CDKAL1: variants seen among roughly 807,000 people sequenced by gnomAD.
CDKAL1 encodes threonylcarbamoyladenosine tRNA methylthiotransferase.
In CDKAL1, 32 loss-of-function variants were observed where a neutral mutation model predicts 68.2. The ratio of observed to expected loss-of-function variants is 0.47; its 90% CI spans 0.35 to 0.63. The LOEUF is 0.63. Ranked by LOEUF, CDKAL1 falls within the 30% of genes least tolerant of loss-of-function variation. CDKAL1 has a pLI of 0.00. For missense variants in CDKAL1, 606 were observed against 696.7 expected (o/e 0.87, Z 1.47); for synonymous variants, 234 against 244.3 (o/e 0.96, Z 0.39).
chr6:21,060,520 A>G (rs888428061), intron 11 of CDKAL1, among the ~76,000 whole-genome samples: 5 of 151,190 alleles, frequency 3.3e-5, no homozygotes, highest in African/African-American at 4.9e-5. Context: ...TCTATTTTCT[A>G]TTTCATTGAT....
At chr6:20,636,366 A>G (rs1282312954) in intron 4 of CDKAL1, among the ~76,000 whole-genome samples, 1 of 151,928 alleles carries the variant, frequency 6.6e-6, no homozygotes, top group Non-Finnish European at 1.5e-5. Flanking sequence ...GTTAATTTGT[A>G]TCTGTTTTAA....
intron 8 of CDKAL1, among the ~76,000 whole-genome samples, chr6:20,828,250 A>G (rs1413495252): frequency 1.3e-5 from 2 of 152,118 alleles, no homozygotes; most frequent in Non-Finnish European, 2.9e-5. Flanking sequence ...TTATTTTGAG[A>G]CAGAGTCTTG....
intron 5 of CDKAL1, among the ~76,000 whole-genome samples, chr6:20,653,064 T>C (rs1314482263): frequency 6.6e-6 from 1 of 152,270 alleles, no homozygotes; most frequent in Non-Finnish European, 1.5e-5. Flanking sequence ...TTGAGATTTA[T>C]TCATGTTAAT....
intron 4 of CDKAL1, among the ~76,000 whole-genome samples, chr6:20,583,793 C>CCA (rs1554156913): frequency 2.7e-5 from 4 of 150,526 alleles, no homozygotes; most frequent in Non-Finnish European, 5.9e-5. Context: ...CGCCCCCCCC[C>CCA]ACTAGTTTCA....
intron 10 of CDKAL1, among the ~76,000 whole-genome samples, chr6:20,975,789 T>C (rs1384353503): frequency 6.6e-6 from 1 of 152,190 alleles, no homozygotes; most frequent in East Asian, 1.9e-4. Context: ...ACCCAAAATA[T>C]CTAAGAGAAT....
chr6:21,055,999 G>A (rs916448727), intron 11 of CDKAL1, among the ~76,000 whole-genome samples: 2 of 152,154 alleles, frequency 1.3e-5, no homozygotes, highest in Admixed American at 6.5e-5. Context: ...CAGTGTAAAA[G>A]CATTCGTATT....
chr6:21,157,209 C>T (rs186975186), intron 13 of CDKAL1, among the ~76,000 whole-genome samples: 7 of 152,290 alleles, frequency 4.6e-5, no homozygotes, highest in Admixed American at 2.0e-4. Flanking sequence ...ATAATAATCA[C>T]CTTGCAAGGT....
At chr6:20,908,536 C>T (rs1253207718) in intron 9 of CDKAL1, among the ~76,000 whole-genome samples, 1 of 152,020 alleles carries the variant, frequency 6.6e-6, no homozygotes, top group Non-Finnish European at 1.5e-5. Flanking sequence ...GTGTCATAAA[C>T]CAACTATGTG....
At chr6:20,569,022 G>A (rs980600836) in intron 4 of CDKAL1, among the ~76,000 whole-genome samples, 52 of 152,250 alleles carry the variant, frequency 3.4e-4, no homozygotes, top group African/African-American at 1.2e-3. Flanking sequence ...CTTATAATAA[G>A]CCTCAGTGTT....
intron 11 of CDKAL1, among the ~76,000 whole-genome samples, chr6:21,056,793 G>T (rs1770861733): frequency 6.6e-6 from 1 of 152,138 alleles, no homozygotes; most frequent in Non-Finnish European, 1.5e-5. Context: ...TGTGGTTTTT[G>T]TCTTTATTTC....
chr6:20,661,019 G>T (rs7754840), intron 5 of CDKAL1, among the ~76,000 whole-genome samples: 10 of 151,766 alleles, frequency 6.6e-5, no homozygotes, highest in Non-Finnish European at 1.3e-4. Flanking sequence ...ATGTTGGAAA[G>T]GTTGACTTGA....
chr6:20,623,779 G>A (rs1258658708), intron 4 of CDKAL1, among the ~76,000 whole-genome samples: 1 of 152,028 alleles, frequency 6.6e-6, no homozygotes, highest in Non-Finnish European at 1.5e-5. Flanking sequence ...GGTGATTAAA[G>A]TTGCAGAGTC....
intron 12 of CDKAL1, among the ~76,000 whole-genome samples, chr6:21,077,076 T>G (rs1303401907): frequency 2.0e-5 from 3 of 152,142 alleles, no homozygotes; most frequent in African/African-American, 7.2e-5. Flanking sequence ...AAAGACTTCT[T>G]GAAATGCCTA....
At chr6:21,073,826 ATTTT>A (rs1464088319) in intron 12 of CDKAL1, among the ~76,000 whole-genome samples, 1 of 151,962 alleles carries the variant, frequency 6.6e-6, no homozygotes, top group South Asian at 2.1e-4. Context: ...AAACAGACTA[ATTTT>A]TGTTTATTTA....
intron 9 of CDKAL1, among the ~76,000 whole-genome samples, chr6:20,888,589 C>G (rs1185164164): frequency 2.3e-5 from 3 of 131,948 alleles, no homozygotes; most frequent in Admixed American, 9.2e-5. Flanking sequence ...TCTCATTGTT[C>G]AATTCCCGCC....
chr6:20,911,444 T>C (rs7746308), intron 9 of CDKAL1, among the ~76,000 whole-genome samples: 4,040 of 152,306 alleles, frequency 0.027, 183 homozygotes, highest in African/African-American at 0.089. Flanking sequence ...CTACATTTTG[T>C]TTCACACGTT....
intron 8 of CDKAL1, among the ~76,000 whole-genome samples, chr6:20,785,314 C>CTT (rs5874783): frequency 5.2e-5 from 5 of 96,092 alleles, no homozygotes; most frequent in East Asian, 2.6e-4. Flanking sequence ...ATTTCTTTTT[C>CTT]TTTTTTTTTT....
chr6:20,860,759 G>A (rs1165682404), intron 9 of CDKAL1, among the ~76,000 whole-genome samples: 2 of 151,982 alleles, frequency 1.3e-5, no homozygotes, highest in African/African-American at 4.8e-5. Flanking sequence ...AGGAGGTGGA[G>A]GTTGCAGGGA....
intron 10 of CDKAL1, among the ~76,000 whole-genome samples, chr6:20,978,631 T>C (rs1050952404): frequency 6.6e-6 from 1 of 152,236 alleles, no homozygotes; most frequent in African/African-American, 2.4e-5. Flanking sequence ...CAGATTTTCA[T>C]ACTCTCTTTG....
Sources: allele counts gnomAD v4.1 joint callset (sites outside exome capture counted in the v4.1 genomes callset), GRCh38; gene constraint gnomAD v4.1.1; transcripts MANE v1.5; gene names NCBI Gene and HGNC (gene_info 2026-07-23, HGNC 2026-07-21).